The following NKAIN2 variants were observed in gnomAD, a reference collection of about 807,000 sequenced individuals.
The protein encoded by NKAIN2 is sodium/potassium-transporting ATPase subunit beta-1-interacting protein 2.
A neutral mutation model predicts 32.6 loss-of-function variants in NKAIN2; 14 were observed. The observed-to-expected ratio is 0.43, with a 90% confidence interval of 0.28 to 0.67. The LOEUF is 0.67. NKAIN2 is among the 30% of genes least tolerant of loss of function. The pLI, the probability that NKAIN2 is intolerant of heterozygous loss-of-function variation, is 0.17. For missense variants in NKAIN2, 198 were observed against 258.3 expected, an observed-to-expected ratio of 0.77 and a Z score of 1.60; for synonymous variants, 80 against 87.2, an observed-to-expected ratio of 0.92 and a Z score of 0.46.
intron 1 of NKAIN2, among the ~76,000 whole-genome samples, chr6:123,817,467 A>C (rs1223131957): frequency 3.9e-5 from 6 of 152,158 alleles, no homozygotes; most frequent in Admixed American, 1.3e-4. Flanking sequence ...CACTTTCTTC[A>C]GAAAGAGTTT....
chr6:124,161,637 A>G (rs1334128619), intron 1 of NKAIN2, among the ~76,000 whole-genome samples: 1 of 152,164 alleles, frequency 6.6e-6, no homozygotes, highest in Non-Finnish European at 1.5e-5. Flanking sequence ...ATGAGCATGC[A>G]TAAGACATTA....
intron 1 of NKAIN2, among the ~76,000 whole-genome samples, chr6:123,872,408 G>A (rs1772938185): frequency 6.6e-6 from 1 of 152,242 alleles, no homozygotes; most frequent in Non-Finnish European, 1.5e-5. Context: ...CTGGGTAATG[G>A]TGCCCTGGGA....
At chr6:124,522,351 C>T (rs1177984179) in intron 3 of NKAIN2, among the ~76,000 whole-genome samples, 1 of 152,108 alleles carries the variant, frequency 6.6e-6, no homozygotes, top group African/African-American at 2.4e-5. Context: ...CTTCGTTATA[C>T]ACATCATGAT....
intron 3 of NKAIN2, among the ~76,000 whole-genome samples, chr6:124,410,983 A>G (rs1774144261): frequency 6.6e-6 from 1 of 151,870 alleles, no homozygotes; most frequent in Admixed American, 6.6e-5. Context: ...AGTCTGTTTT[A>G]TCAGAGACTA....
intron 6 of NKAIN2, among the ~76,000 whole-genome samples, chr6:124,822,980 C>T (rs1257659814): frequency 1.3e-5 from 2 of 152,184 alleles, no homozygotes; most frequent in South Asian, 2.1e-4. Context: ...TACAGAAGTA[C>T]ATATTCATTT....
intron 1 of NKAIN2, among the ~76,000 whole-genome samples, chr6:124,224,050 C>A (rs929429061): frequency 1.3e-5 from 2 of 152,090 alleles, no homozygotes; most frequent in Non-Finnish European, 2.9e-5. Flanking sequence ...ATTGATATTA[C>A]AATCTCTCAG....
At chr6:124,535,773 A>G (rs960976751) in intron 3 of NKAIN2, among the ~76,000 whole-genome samples, 1 of 152,162 alleles carries the variant, frequency 6.6e-6, no homozygotes, top group African/African-American at 2.4e-5. Flanking sequence ...CTGGAGCTCA[A>G]CTCACTGCAC....
At chr6:124,344,595 T>C (rs1449084002) in intron 2 of NKAIN2, among the ~76,000 whole-genome samples, 2 of 151,996 alleles carry the variant, frequency 1.3e-5, no homozygotes, top group Non-Finnish European at 1.5e-5. Flanking sequence ...TTTGAAGCAA[T>C]TGTGAATGGG....
At chr6:123,837,599 A>G (rs1021580326) in intron 1 of NKAIN2, among the ~76,000 whole-genome samples, 1 of 152,124 alleles carries the variant, frequency 6.6e-6, no homozygotes, top group African/African-American at 2.4e-5. Flanking sequence ...TTTATTCTCA[A>G]TGTAATAGTC....
At chr6:124,725,716 G>T (rs1173774924) in intron 4 of NKAIN2, among the ~76,000 whole-genome samples, 1 of 152,154 alleles carries the variant, frequency 6.6e-6, no homozygotes, top group Non-Finnish European at 1.5e-5. Flanking sequence ...CAAGATGGCC[G>T]AATAGGAACA....
chr6:124,150,609 A>G (rs1474883773), intron 1 of NKAIN2, among the ~76,000 whole-genome samples: 1 of 152,120 alleles, frequency 6.6e-6, no homozygotes, highest in African/African-American at 2.4e-5. Context: ...ATTTAGGTTA[A>G]TTATGATTTT....
At chr6:124,701,153 G>GCA (rs60670238) in intron 4 of NKAIN2, among the ~76,000 whole-genome samples, 59,123 of 131,828 alleles carry the variant, frequency 0.45, 11,782 homozygotes, top group African/African-American at 0.52. Flanking sequence ...ACACACACAC[G>GCA]CACACACACA....
chr6:124,732,041 A>G lies in NKAIN2; in HGVS notation c.475-59298A>G, dbSNP rs527805582. ...TTTACTTAGCCTTCATGTGAATGAA[A>G]TATCATTCTAATAGTGCAGTATCAT... is the stretch of plus-strand genomic sequence containing the variant. On this transcript the variant is annotated intron_variant, in intron 4 of 6. Coordinates refer to ENST00000368417, the MANE Select transcript of NKAIN2 (RefSeq NM_001040214.3). 4.6e-5 allele frequency among the ~76,000 whole-genome samples: 7 copies of G among 152,228 alleles called. No individual in the cohort carries two copies. In the East Asian group the frequency reaches 1.4e-3, roughly 29 times the overall value.
chr6:123,959,651 G>C (rs1021560112), intron 1 of NKAIN2, among the ~76,000 whole-genome samples: 7 of 152,078 alleles, frequency 4.6e-5, no homozygotes, highest in Non-Finnish European at 8.8e-5. Flanking sequence ...GCATAGAGCA[G>C]AAATATATTA....
chr6:124,700,580 G>C (rs1409774617), intron 4 of NKAIN2, among the ~76,000 whole-genome samples: 1 of 152,074 alleles, frequency 6.6e-6, no homozygotes, highest in Admixed American at 6.6e-5. Flanking sequence ...AATAATTAAA[G>C]ATAAATGATA....
chr6:124,169,983 A>G (rs919318682), intron 1 of NKAIN2, among the ~76,000 whole-genome samples: 10 of 152,092 alleles, frequency 6.6e-5, no homozygotes, highest in African/African-American at 1.9e-4. Flanking sequence ...TTTTATTAAG[A>G]GTGTTTCCTT....
intron 3 of NKAIN2, among the ~76,000 whole-genome samples, chr6:124,577,510 G>C (rs1374620291): frequency 6.6e-6 from 1 of 152,128 alleles, no homozygotes; most frequent in Non-Finnish European, 1.5e-5. Context: ...GAAGCATTTA[G>C]ACCAGCCCTC....
intron 1 of NKAIN2, among the ~76,000 whole-genome samples, chr6:123,901,613 T>C (rs1381820599): frequency 6.6e-6 from 1 of 152,184 alleles, no homozygotes; most frequent in Non-Finnish European, 1.5e-5. Flanking sequence ...GACATTTCCC[T>C]TCCGGCTCCC....
intron 4 of NKAIN2, among the ~76,000 whole-genome samples, chr6:124,703,749 C>A (rs1004225149): frequency 8.6e-5 from 13 of 151,958 alleles, no homozygotes; most frequent in African/African-American, 3.1e-4. Flanking sequence ...AAACAATCTT[C>A]TCAGAATACA....
Sources: allele counts gnomAD v4.1 joint callset (sites outside exome capture counted in the v4.1 genomes callset), GRCh38; gene constraint gnomAD v4.1.1; transcripts MANE v1.5; gene names NCBI Gene and HGNC (gene_info 2026-07-23, HGNC 2026-07-21).